Variants in MAMLD1 observed in about 807,000 individuals in gnomAD.
MAMLD1 encodes mastermind-like domain-containing protein 1.
Under a neutral mutation model 45.0 loss-of-function variants are expected in MAMLD1, and 14 were observed. The ratio of observed to expected loss-of-function variants is 0.31; its 90% CI spans 0.21 to 0.49. MAMLD1 has a LOEUF of 0.49. Ranked by LOEUF, MAMLD1 falls within the 20% of genes least tolerant of loss-of-function variation. MAMLD1 has a pLI of 0.99. For synonymous variants in MAMLD1, 254 were observed against 247.8 expected, an observed-to-expected ratio of 1.02 and a Z score of -0.24; for missense variants, 543 against 603.6, an observed-to-expected ratio of 0.90 and a Z score of 1.05.
At chrX:150,505,450 C>T (rs1364742069) in intron 6 of MAMLD1, among the ~76,000 whole-genome samples, 1 of 112,039 alleles carries the variant, frequency 8.9e-6, no homozygotes, top group Non-Finnish European at 1.9e-5. Context: ...GAGCCTGGCC[C>T]ATAGTAGACC....
chrX:150,407,834 CA>C (rs2034033979), intron 1 of MAMLD1, among the ~76,000 whole-genome samples: 1 of 112,514 alleles, frequency 8.9e-6, no homozygotes, highest in South Asian at 3.6e-4. Flanking sequence ...TCTGTTAGCA[CA>C]TAGAGGTTAG....
At position 150,512,971 on chromosome X, in the gene MAMLD1, C is replaced by T; in HGVS notation, c.*1012C>T. 8.7e-7 allele frequency: 1 copy of T among 1,155,601 alleles called. No homozygotes were observed. Among genetic ancestry groups the T allele is most frequent in the Non-Finnish European group, 1.1e-6 (1 of 872,468 alleles). On this transcript the variant is annotated 3_prime_UTR_variant, in exon 8 of 8. Coordinates refer to ENST00000370401, the MANE Select transcript of MAMLD1 (RefSeq NM_005491.5). ...TGAGCCCAGATGAAGACTGGGTGTG[C>T]AACTTGAGGCTGATCGACGACATTT... is the stretch of plus-strand genomic sequence containing the variant.
chrX:150,405,581 G>A (rs1220849792), intron 1 of MAMLD1, among the ~76,000 whole-genome samples: 2 of 112,078 alleles, frequency 1.8e-5, no homozygotes, highest in African/African-American at 6.5e-5. Flanking sequence ...CCATCGCAAT[G>A]GGACAGGATA....
At chrX:150,405,545 C>A (rs2033972238) in intron 1 of MAMLD1, among the ~76,000 whole-genome samples, 1 of 111,646 alleles carries the variant, frequency 9.0e-6, no homozygotes, top group Non-Finnish European at 1.9e-5. Flanking sequence ...ACCTGTGCAG[C>A]CATGTTATTG....
intron 1 of MAMLD1, among the ~76,000 whole-genome samples, chrX:150,402,712 C>T: frequency 8.9e-6 from 1 of 112,080 alleles, no homozygotes. Flanking sequence ...GAAAATGTGG[C>T]ACATATACAC....
intron 1 of MAMLD1, among the ~76,000 whole-genome samples, chrX:150,381,134 G>T (rs2032588951): frequency 9.0e-6 from 1 of 111,705 alleles, no homozygotes; most frequent in Admixed American, 9.5e-5. Context: ...ATTTCTACAT[G>T]CATATTTTAT....
chrX:150,416,626 C>T (rs1557403057), intron 1 of MAMLD1, among the ~76,000 whole-genome samples: 4 of 112,193 alleles, frequency 3.6e-5, no homozygotes, highest in East Asian at 5.6e-4. Flanking sequence ...TTCCGAAATG[C>T]GCAGCAATTT....
At chrX:150,502,243 T>C (rs782819911) in intron 5 of MAMLD1, among the ~76,000 whole-genome samples, 94 of 113,091 alleles carry the variant, frequency 8.3e-4, no homozygotes, top group African/African-American at 2.7e-3. Flanking sequence ...ATTCCAACTA[T>C]GTAGCTTAGA....
chrX:150,409,738 G>A (rs985579184), intron 1 of MAMLD1, among the ~76,000 whole-genome samples: 6 of 111,498 alleles, frequency 5.4e-5, no homozygotes, highest in Non-Finnish European at 1.1e-4. Flanking sequence ...TGGCTCGGCC[G>A]GCTCTCCACT....
At chrX:150,478,833 A>C (rs922764119) in intron 5 of MAMLD1, among the ~76,000 whole-genome samples, 3 of 112,630 alleles carry the variant, frequency 2.7e-5, no homozygotes, top group African/African-American at 9.7e-5. Flanking sequence ...ATTCTTTCTA[A>C]ATTAAGCTGC....
At chrX:150,398,281 G>GAAGAAGAAGAAGAAGAAC (rs2033537773) in intron 1 of MAMLD1, among the ~76,000 whole-genome samples, 1 of 70,009 alleles carries the variant, frequency 1.4e-5, no homozygotes, top group African/African-American at 5.8e-5. Flanking sequence ...AGAAGAAGAA[G>GAAGAAGAAGAAGAAGAAC]AAGAAGAAGA....
chrX:150,370,159 C>G (rs1557400937), intron 1 of MAMLD1, among the ~76,000 whole-genome samples: 1 of 109,478 alleles, frequency 9.1e-6, no homozygotes, highest in Admixed American at 9.8e-5. Flanking sequence ...GATGGAGGAA[C>G]AGGAGCCGGT....
intron 6 of MAMLD1, 37 bp downstream of exon 6, chrX:150,503,554 T>C (rs1282005722): frequency 1.2e-6 from 1 of 856,740 alleles, no homozygotes; most frequent in Non-Finnish European, 1.7e-6. Context: ...TTTCCTCATC[T>C]GTCAACGGGG....
At chrX:150,493,746 G>A (rs57916836) in intron 5 of MAMLD1, among the ~76,000 whole-genome samples, 2,776 of 111,745 alleles carry the variant, frequency 0.025, 85 homozygotes, top group African/African-American at 0.086. Flanking sequence ...TGGCTCATCT[G>A]TTTTGTGTTG....
chrX:150,366,606 T>G (rs1317393327), intron 1 of MAMLD1, among the ~76,000 whole-genome samples: 1 of 112,091 alleles, frequency 8.9e-6, no homozygotes, highest in African/African-American at 3.2e-5. Context: ...ATCAGCTTCT[T>G]CCCCTTAAAG....
intron 1 of MAMLD1, among the ~76,000 whole-genome samples, chrX:150,366,853 A>T (rs897614405): frequency 8.1e-5 from 9 of 111,019 alleles, no homozygotes; most frequent in African/African-American, 2.3e-4. Context: ...AGGCAGGAAA[A>T]AAGAAAGAAA....
chrX:150,499,422 C>A (rs1360222544), intron 5 of MAMLD1, among the ~76,000 whole-genome samples: 1 of 111,874 alleles, frequency 8.9e-6, no homozygotes, highest in East Asian at 2.8e-4. Flanking sequence ...AAAGCCAGAG[C>A]ATTCATCCAC....
intron 1 of MAMLD1, among the ~76,000 whole-genome samples, chrX:150,422,739 T>G (rs1447711300): frequency 8.9e-6 from 1 of 111,910 alleles, no homozygotes; most frequent in African/African-American, 3.3e-5. Flanking sequence ...TCTCTAGTTT[T>G]CCCTCCTGAT....
At chrX:150,378,853 T>G (rs1395732033) in intron 1 of MAMLD1, among the ~76,000 whole-genome samples, 1 of 111,319 alleles carries the variant, frequency 9.0e-6, no homozygotes, top group Non-Finnish European at 1.9e-5. Flanking sequence ...GAGCGCGCCC[T>G]TAATTTCTGG....
Sources: allele counts gnomAD v4.1 joint callset (sites outside exome capture counted in the v4.1 genomes callset), GRCh38; gene constraint gnomAD v4.1.1; transcripts MANE v1.5; gene names NCBI Gene and HGNC (gene_info 2026-07-23, HGNC 2026-07-21).